CELF2: variants seen among roughly 807,000 people sequenced by gnomAD.
The protein encoded by CELF2 is CUGBP Elav-like family member 2.
CELF2 carries 8 observed loss-of-function variants against 62.6 expected under a neutral mutation model. The observed-to-expected ratio is 0.13, with a 90% confidence interval of 0.07 to 0.23. The LOEUF (loss-of-function observed/expected upper bound fraction) is 0.23, where lower values mean the gene tolerates loss of function less well. Among genes scored for constraint, CELF2 ranks in the 10% least tolerant of loss-of-function variants. The pLI, the probability that CELF2 is intolerant of heterozygous loss-of-function variation, is 1.00. For synonymous variants in CELF2, 258 were observed against 250.0 expected, an observed-to-expected ratio of 1.03 and a Z score of -0.30; for missense variants, 333 against 671.0, an observed-to-expected ratio of 0.50 and a Z score of 5.56.
At chr10:11,116,219 A>G (rs1365453505) in intron 1 of CELF2, among the ~76,000 whole-genome samples, 1 of 152,228 alleles carries the variant, frequency 6.6e-6, no homozygotes, top group Non-Finnish European at 1.5e-5. Context: ...TAAGCCATCT[A>G]CAGTTGTAAC....
the CELF2 span, among the ~76,000 whole-genome samples, chr10:10,688,467 C>G: frequency 1.3e-5 from 2 of 152,186 alleles, no homozygotes; most frequent in Non-Finnish European, 2.9e-5. Flanking sequence ...GTGTGTTTAA[C>G]TAGACTCCCA....
At chr10:11,200,481 G>A (rs1371536153) in intron 2 of CELF2, among the ~76,000 whole-genome samples, 1 of 152,142 alleles carries the variant, frequency 6.6e-6, no homozygotes, top group East Asian at 1.9e-4. Context: ...GCAGAATGTG[G>A]GCATGTGCTT....
the CELF2 span, among the ~76,000 whole-genome samples, chr10:10,768,084 T>C: frequency 8.3e-5 from 12 of 143,974 alleles, no homozygotes; most frequent in Non-Finnish European, 1.6e-4. Flanking sequence ...GAGAATGGCG[T>C]GAACCCGGGA....
In CELF2 at chr10:11,247,542, G is replaced by T. The variant is rs1167441632; in HGVS notation, c.355-1611G>T. 6.6e-6 allele frequency among the ~76,000 whole-genome samples: 1 copy of T among 152,132 alleles called. No homozygotes were observed. Among genetic ancestry groups the T allele is most frequent in the African/African-American group, 2.4e-5 (1 of 41,448 alleles). On this transcript the variant is annotated intron_variant, in intron 3 of 12. Coordinates refer to ENST00000633077, the MANE Select transcript of CELF2 (RefSeq NM_001326342.2). This position sits in a 1 kb window ranked among gnomAD's most constrained non-coding sequence, Gnocchi z 5.4. ...GCTTGCCAGGGTGCTTACCGGCTGA[G>T]GGCTCAGTGTCTCTCCTGCCCCTGC...
intron 2 of CELF2, among the ~76,000 whole-genome samples, chr10:11,196,646 C>T (rs925435970): frequency 6.7e-6 from 1 of 150,244 alleles, no homozygotes; most frequent in Admixed American, 6.6e-5. Flanking sequence ...GACCCTCTCT[C>T]TTTAAAAAAA....
chr10:11,328,825 C>G lies in CELF2; in HGVS notation c.1439-101C>G, dbSNP rs1026462708. 1 of 1,391,410 alleles carries G rather than the reference C, an allele frequency of 7.2e-7. No individual in the cohort carries two copies. 86.2% of individuals were successfully genotyped at this position (1,391,410 alleles called of 1,614,324 possible). ...CTGTGCTGGGCCCGTGGGGCTGGCA[C>G]CTCATGCTGGCTCTTCAGCCTTCCC... is the stretch of plus-strand genomic sequence containing the variant. On this transcript the variant is annotated intron_variant, in intron 12 of 12. Transcript: ENST00000633077. This position sits in a 1 kb window ranked among gnomAD's most constrained non-coding sequence, Gnocchi z 6.4.
chr10:10,866,685 G>A (rs1481175737), intron 1 of CELF2, among the ~76,000 whole-genome samples: 12 of 151,096 alleles, frequency 7.9e-5, no homozygotes, highest in East Asian at 1.9e-4. Flanking sequence ...GGCCGGGCGC[G>A]GTGGCTCACG....
At chr10:10,750,675 C>T in the CELF2 span, among the ~76,000 whole-genome samples, 1 of 152,186 alleles carries the variant, frequency 6.6e-6, no homozygotes, top group Non-Finnish European at 1.5e-5. Context: ...TACGTGTGTT[C>T]CATCTTAAAG....
At chr10:10,768,659 T>C in the CELF2 span, among the ~76,000 whole-genome samples, 1 of 151,702 alleles carries the variant, frequency 6.6e-6, no homozygotes, top group African/African-American at 2.4e-5. Flanking sequence ...CTGCAACTTC[T>C]GCCTGCTGGG....
At chr10:11,125,072 G>A (rs1595749059) in intron 1 of CELF2, among the ~76,000 whole-genome samples, 1 of 152,172 alleles carries the variant, frequency 6.6e-6, no homozygotes. Context: ...GAACCACTTA[G>A]CTGGACCATT....
rs151190943 is a variant in CELF2 at position 11,244,090 on chromosome 10, T to C, written c.355-5063T>C. Among the ~76,000 whole-genome samples, 1,230 of 152,332 alleles carry C rather than the reference T, an allele frequency of 8.1e-3. 5 individuals carry two copies. Among genetic ancestry groups the C allele is most frequent in the Non-Finnish European group, 0.013 (918 of 68,030 alleles). ...TCCTGCCTCCAGCCCCATCTAGCTC[T>C]GGCAGCAGGGAGGGCCAGGGTCCCT... is the stretch of plus-strand genomic sequence containing the variant. On this transcript the variant is annotated intron_variant, in intron 3 of 12. Coordinates refer to ENST00000633077, the MANE Select transcript of CELF2 (RefSeq NM_001326342.2). The surrounding 1 kb of genome is among the most constrained non-coding windows in gnomAD (Gnocchi z 4.2).
chr10:11,231,627 C>T (rs1013646061), intron 3 of CELF2, among the ~76,000 whole-genome samples: 6 of 136,834 alleles, frequency 4.4e-5, no homozygotes, highest in African/African-American at 1.6e-4. Flanking sequence ...CTCATTGCAA[C>T]CAAATGATTA....
At chr10:10,678,726 C>T in the CELF2 span, among the ~76,000 whole-genome samples, 1 of 152,146 alleles carries the variant, frequency 6.6e-6, no homozygotes, top group South Asian at 2.1e-4. Flanking sequence ...ACAGCATTCC[C>T]AGAACTTGGA....
chr10:11,241,336 A>T (rs1357997219), intron 3 of CELF2, among the ~76,000 whole-genome samples: 2 of 152,164 alleles, frequency 1.3e-5, no homozygotes, highest in Non-Finnish European at 2.9e-5. Context: ...AGTAGCTGGG[A>T]TTACAGGTGT....
intron 1 of CELF2, among the ~76,000 whole-genome samples, chr10:10,899,701 G>A (rs866529344): frequency 7.2e-4 from 109 of 152,344 alleles, no homozygotes; most frequent in African/African-American, 2.6e-3. Context: ...TGTACAGGAA[G>A]CATAGCTTGG....
the CELF2 span, among the ~76,000 whole-genome samples, chr10:10,628,550 T>A: frequency 1.3e-5 from 2 of 152,212 alleles, no homozygotes; most frequent in African/African-American, 4.8e-5. Context: ...CAAAAGTGGC[T>A]GCAAGTATAC....
intron 4 of CELF2, among the ~76,000 whole-genome samples, chr10:11,251,926 G>A (rs148821683): frequency 7.9e-5 from 12 of 152,324 alleles, no homozygotes; most frequent in East Asian, 1.9e-4. Context: ...TGTTTATACC[G>A]AAGCATAGCT....
the CELF2 span, among the ~76,000 whole-genome samples, chr10:10,577,364 T>TTTTTTATTATTATTA: frequency 1.8e-4 from 26 of 141,424 alleles, no homozygotes; most frequent in African/African-American, 2.8e-4. Flanking sequence ...AACAAATCTT[T>TTTTTTATTATTATTA]TTATTATTAT....
chr10:11,169,042 C>T (rs1172722645), intron 2 of CELF2: 2 of 152,210 alleles, frequency 1.3e-5, no homozygotes, highest in African/African-American at 4.8e-5. Context: ...ATTTCTGGCT[C>T]TACTGCTTCT....
Sources: gnomAD v4.1 joint callset for allele counts (sites outside exome capture counted in the v4.1 genomes callset) on GRCh38, gnomAD v4.1.1 for gene constraint, Gnocchi (gnomAD v3.1) non-coding constraint, MANE v1.5 for transcripts, NCBI Gene and HGNC (gene_info 2026-07-23, HGNC 2026-07-21) for gene names.